Variants in SS18 observed in about 807,000 individuals in gnomAD.
SS18 encodes SS18 subunit of BAF chromatin remodeling complex, also known as protein SSXT.
Under a neutral mutation model 72.5 loss-of-function variants are expected in SS18, and 28 were observed. That is an observed-to-expected ratio of 0.39 (90% CI 0.29 to 0.53). The LOEUF (loss-of-function observed/expected upper bound fraction) is 0.53. Ranked by LOEUF, SS18 falls within the 20% of genes least tolerant of loss-of-function variation. The probability of loss-of-function intolerance (pLI) is 0.76; values close to 1 mark genes in which losing one functional copy is unlikely to be tolerated. For missense variants in SS18, 518 were observed against 535.3 expected (o/e 0.97, Z 0.32); for synonymous variants, 172 against 164.2 (o/e 1.05, Z -0.37).
intron 10 of SS18, among the ~76,000 whole-genome samples, chr18:26,023,824 A>G (rs566629677): frequency 6.8e-6 from 1 of 147,152 alleles, no homozygotes; most frequent in East Asian, 2.0e-4. Context: ...CGGTAACTAC[A>G]TGGGTCAATT....
chr18:26,075,233 T>C (rs1014105187), intron 3 of SS18, among the ~76,000 whole-genome samples: 1 of 151,824 alleles, frequency 6.6e-6, no homozygotes, highest in Non-Finnish European at 1.5e-5. Context: ...AAAGCTAGCA[T>C]AGCCTCAAAA....
At chr18:26,033,303 C>A (rs1000454943) in intron 9 of SS18, among the ~76,000 whole-genome samples, 1 of 152,122 alleles carries the variant, frequency 6.6e-6, no homozygotes, top group Admixed American at 6.5e-5. Context: ...CACCTGAGGT[C>A]AGGAGTTTGA....
chr18:26,036,686 TA>T (rs1381157409), intron 7 of SS18, among the ~76,000 whole-genome samples: 1 of 152,154 alleles, frequency 6.6e-6, no homozygotes, highest in African/African-American at 2.4e-5. Context: ...ACCTAAAATC[TA>T]AACTCAATTT....
intron 3 of SS18, among the ~76,000 whole-genome samples, chr18:26,061,009 TG>T (rs1376718061): frequency 6.7e-6 from 1 of 149,256 alleles, no homozygotes; most frequent in East Asian, 2.0e-4. Context: ...TAACTGTGAT[TG>T]GTATGTTCAA....
chr18:26,082,889 AAC>A (rs1457388449), intron 2 of SS18, among the ~76,000 whole-genome samples: 3 of 152,216 alleles, frequency 2.0e-5, no homozygotes. Flanking sequence ...TTTAAAAAAA[AAC>A]ACAGTTTCAG....
chr18:26,047,561 G>T (rs2053848311), intron 5 of SS18, among the ~76,000 whole-genome samples: 1 of 152,156 alleles, frequency 6.6e-6, no homozygotes, highest in Non-Finnish European at 1.5e-5. Flanking sequence ...ATTCCAGCCG[G>T]GCGTGGTGGC....
At position 26,072,796 on chromosome 18, in the gene SS18, C is replaced by CAAAA. The variant is rs71169810; in HGVS notation, c.231+5276_231+5279dup. On this transcript the variant is annotated intron_variant, in intron 3 of 10. Coordinates refer to ENST00000415083, the MANE Select transcript of SS18 (RefSeq NM_001007559.3). ...TGGGCAACAGAGCGAGACTCCGTCT[C>CAAAA]AAAAAAAAAAAAAAAAAAAAAAAAA... Among the ~76,000 whole-genome samples, 266 of 32,724 alleles carry CAAAA rather than the reference C, an allele frequency of 8.1e-3. 19 individuals carry two copies. The highest frequency in any genetic ancestry group is 0.036 in the Middle Eastern group (1 of 28). The allele number at this position is 32,724 out of a possible 152,430, so 21.5% of individuals were successfully genotyped here.
chr18:26,060,059 G>C (rs1269257198), intron 3 of SS18, among the ~76,000 whole-genome samples: 1 of 152,116 alleles, frequency 6.6e-6, no homozygotes, highest in Non-Finnish European at 1.5e-5. Flanking sequence ...ATACTAAAAA[G>C]AATTGAAAAC....
intron 9 of SS18, among the ~76,000 whole-genome samples, chr18:26,034,051 G>C (rs904044835): frequency 5.9e-5 from 9 of 152,114 alleles, no homozygotes; most frequent in African/African-American, 1.9e-4. Context: ...GTCACATCTA[G>C]AATCTGGAAA....
chr18:26,031,232 T>C (rs1361087126), intron 10 of SS18, among the ~76,000 whole-genome samples: 3 of 152,234 alleles, frequency 2.0e-5, no homozygotes, highest in Non-Finnish European at 4.4e-5. Flanking sequence ...TTTGAGGATA[T>C]TTTTGAAAAA....
chr18:26,017,528 A>C lies in SS18; in HGVS notation c.*826T>G, dbSNP rs1223417187. On this transcript the variant is annotated 3_prime_UTR_variant, in exon 11 of 11. Coordinates refer to ENST00000415083, the MANE Select transcript of SS18 (RefSeq NM_001007559.3). ...GTTATTGCTATTTTAGAAGAGGATT[A>C]CCACTTTCATTTAGATGAAACTGTT... 5.0e-6 allele frequency: 1 copy of C among 199,274 alleles called. No homozygotes were observed. The highest frequency in any genetic ancestry group is 1.0e-5 in the Non-Finnish European group (1 of 96,192). 12.3% of individuals were successfully genotyped at this position (199,274 alleles called of 1,614,324 possible).
At chr18:26,085,865 T>A (rs1209981982) in intron 2 of SS18, 1 of 152,118 alleles carries the variant, frequency 6.6e-6, no homozygotes, top group African/African-American at 2.4e-5. Context: ...ACCAATACAA[T>A]GTGAAAACCA....
intron 1 of SS18, chr18:26,089,784 A>T (rs2054683067): frequency 6.6e-6 from 1 of 152,300 alleles, no homozygotes; most frequent in Non-Finnish European, 1.5e-5. Flanking sequence ...AGTCTCCACC[A>T]TTAGACTGTA....
At chr18:26,048,819 T>C (rs1349544302) in intron 5 of SS18, among the ~76,000 whole-genome samples, 2 of 152,210 alleles carry the variant, frequency 1.3e-5, no homozygotes, top group Non-Finnish European at 2.9e-5. Flanking sequence ...ATAAATTAGA[T>C]GCTGTGGCTA....
chr18:26,024,339 G>T (rs2053408539), intron 10 of SS18, among the ~76,000 whole-genome samples: 1 of 152,084 alleles, frequency 6.6e-6, no homozygotes, highest in East Asian at 1.9e-4. Flanking sequence ...GCACTTTTTT[G>T]GGGGGACAGG....
chr18:26,042,905 C>A (rs2053754895), intron 5 of SS18, among the ~76,000 whole-genome samples: 1 of 152,028 alleles, frequency 6.6e-6, no homozygotes, highest in African/African-American at 2.4e-5. Context: ...CATACATATA[C>A]ACATGTATTT....
At chr18:26,090,952 G>A (rs2054717912), upstream of SS18, 2 of 283,846 alleles carry the variant, frequency 7.0e-6, no homozygotes. Context: ...CCTGTCACAG[G>A]AAATGCGAGC....
intron 2 of SS18, among the ~76,000 whole-genome samples, chr18:26,085,146 G>C (rs750736980): frequency 6.6e-6 from 1 of 152,146 alleles, no homozygotes; most frequent in Non-Finnish European, 1.5e-5. Context: ...TACTATCTTT[G>C]AAACATTTTT....
At chr18:26,060,788 A>AAAAAAAAAAAAAAAAAAAAAAAAAC (rs2054107523) in intron 3 of SS18, among the ~76,000 whole-genome samples, 1 of 110,954 alleles carries the variant, frequency 9.0e-6, no homozygotes, top group Non-Finnish European at 1.7e-5. Flanking sequence ...AAAAAAAAAA[A>AAAAAAAAAAAAAAAAAAAAAAAAAC]AAAAAAAAAA....
Sources: allele counts gnomAD v4.1 joint callset (sites outside exome capture counted in the v4.1 genomes callset), GRCh38; gene constraint gnomAD v4.1.1; transcripts MANE v1.5; gene names NCBI Gene and HGNC (gene_info 2026-07-23, HGNC 2026-07-21).